Variants in IQGAP1 observed in about 807,000 individuals in gnomAD.
IQGAP1 encodes IQ motif containing GTPase activating protein 1.
Under a neutral mutation model 215.6 loss-of-function variants are expected in IQGAP1, and 66 were observed. The observed-to-expected ratio is 0.31, with a 90% confidence interval of 0.25 to 0.38. IQGAP1 has a LOEUF of 0.38. IQGAP1 is among the 10% of genes least tolerant of loss of function. The pLI is 1.00. For missense variants in IQGAP1, 1,712 were observed against 1,997.1 expected (o/e 0.86, Z 2.72); for synonymous variants, 772 against 728.7 (o/e 1.06, Z -0.96).
Position 90,406,455 on chromosome 15 carries a change from G to A in IQGAP1, c.155+15582G>A, listed in dbSNP as rs186109116. Among the ~76,000 whole-genome samples the A allele has an allele frequency of 1.1e-4, 16 of 152,366 alleles. No individual in the cohort carries two copies. In the East Asian group the frequency reaches 2.9e-3, roughly 27 times the overall value. On this transcript the variant is annotated intron_variant, in intron 2 of 37. Transcript: ENST00000268182. ...TGGGATTAGAGGCGTGAGCCACCGT[G>A]CCCGGCCGGGGTTTGTTTTTGGTTG...
intron 15 of IQGAP1, among the ~76,000 whole-genome samples, chr15:90,463,153 C>T (rs752723474): frequency 1.4e-4 from 22 of 152,286 alleles, no homozygotes; most frequent in Non-Finnish European, 2.5e-4. Flanking sequence ...AGACACCCAT[C>T]CATTCACTTT....
chr15:90,437,231 TAGG>T (rs1567125935), intron 5 of IQGAP1, among the ~76,000 whole-genome samples: 3 of 152,312 alleles, frequency 2.0e-5, no homozygotes, highest in East Asian at 1.9e-4. Flanking sequence ...CACTCACTGT[TAGG>T]AGAACAGCAC....
intron 18 of IQGAP1, among the ~76,000 whole-genome samples, chr15:90,471,934 C>T (rs2151031433): frequency 1.3e-5 from 2 of 152,222 alleles, no homozygotes; most frequent in South Asian, 4.1e-4. Flanking sequence ...CTGCTGCTGC[C>T]CTTGTTCAAG....
intron 23 of IQGAP1, chr15:90,475,871 A>G (rs766487425): frequency 4.6e-5 from 7 of 151,934 alleles, no homozygotes; most frequent in Admixed American, 6.6e-5. Context: ...GTCATTTTGT[A>G]TCTTACATTC....
intron 22 of IQGAP1, 77 bp downstream of exon 22, chr15:90,474,210 C>G: frequency 1.5e-6 from 2 of 1,295,418 alleles, no homozygotes; most frequent in South Asian, 2.8e-5. Flanking sequence ...CCACAGACCT[C>G]TTTTGTTATC....
chr15:90,465,868 T>C, intron 15 of IQGAP1, 133 bp from the exon 16 acceptor site: 1 of 706,558 alleles, frequency 1.4e-6, no homozygotes, highest in East Asian at 2.7e-5. Flanking sequence ...TCCATTTGAC[T>C]AACCCACGTG....
At chr15:90,393,092 T>C (rs1427585169) in intron 2 of IQGAP1, among the ~76,000 whole-genome samples, 1 of 124,492 alleles carries the variant, frequency 8.0e-6, no homozygotes, top group Non-Finnish European at 1.6e-5. Flanking sequence ...TGCATTAGAA[T>C]CACCTGGGGA....
intron 17 of IQGAP1, among the ~76,000 whole-genome samples, chr15:90,467,033 C>T (rs776359367): frequency 1.3e-4 from 19 of 151,812 alleles, no homozygotes; most frequent in African/African-American, 1.9e-4. Context: ...CAGAGGCTGC[C>T]GTGAGCCAAG....
chr15:90,487,637 G>A (rs1477970782), intron 33 of IQGAP1, 55 bp downstream of exon 33: 1 of 1,206,548 alleles, frequency 8.3e-7, no homozygotes, highest in Non-Finnish European at 1.2e-6. Context: ...TCTCCCGATA[G>A]GCGCATGTCA....
intron 36 of IQGAP1, among the ~76,000 whole-genome samples, chr15:90,495,587 A>G (rs11073929): frequency 0.16 from 24,227 of 150,838 alleles, 2,254 homozygotes; most frequent in African/African-American, 0.25. Flanking sequence ...CCACTTATGT[A>G]TTTAACTACT....
rs755220652 is a variant in IQGAP1 at position 90,466,448 on chromosome 15, GA to G, written c.2035+13del. 2.5e-5 allele frequency: 41 copies of G among 1,613,672 alleles called. No homozygotes were observed. In the African/African-American group the frequency reaches 5.2e-4, roughly 20 times the overall value. ...AAAACTGGCAGTAGGTGAGTTCTGG[GA>G]TAATACATATGTGCCCTGAAGCTAA... On this transcript the variant is annotated intron_variant, in intron 17 of 37. Coordinates refer to ENST00000268182, the MANE Select transcript of IQGAP1 (RefSeq NM_003870.4).
chr15:90,478,661 C>T (rs1381415252), intron 26 of IQGAP1, among the ~76,000 whole-genome samples: 1 of 152,090 alleles, frequency 6.6e-6, no homozygotes, highest in East Asian at 1.9e-4. Flanking sequence ...TAAGATGAAC[C>T]CAGCCTTACT....
chr15:90,419,055 A>G (rs1186046950), intron 2 of IQGAP1, among the ~76,000 whole-genome samples: 1 of 151,106 alleles, frequency 6.6e-6, no homozygotes, highest in Non-Finnish European at 1.5e-5. Flanking sequence ...GCTAGGTAGG[A>G]GGATCCAGAG....
At position 90,494,891 on chromosome 15, in the gene IQGAP1, C is replaced by T. The variant is rs1966251623; in HGVS notation, c.4751+56C>T. The T allele has an allele frequency of 3.7e-6, 5 of 1,346,968 alleles. No homozygotes were observed. In the South Asian group the frequency reaches 5.2e-5, roughly 14 times the overall value. 83.4% of individuals were successfully genotyped at this position (1,346,968 alleles called of 1,614,324 possible). On this transcript the variant is annotated intron_variant, in intron 36 of 37. Transcript: ENST00000268182. ...ATTTTTATTTCTACATTTATCACAT[C>T]TTTGCCTTTTTGTCTTCATTTCTCT...
chr15:90,486,240 T>G, intron 31 of IQGAP1, 108 bp downstream of exon 31: 1 of 653,362 alleles, frequency 1.5e-6, no homozygotes, highest in Non-Finnish European at 2.7e-6. Context: ...GGATATACAT[T>G]GAGAAATAAA....
At chr15:90,470,770 T>C (rs1965893987) in intron 18 of IQGAP1, among the ~76,000 whole-genome samples, 1 of 152,162 alleles carries the variant, frequency 6.6e-6, no homozygotes, top group Admixed American at 6.5e-5. Flanking sequence ...AACCTTTTAA[T>C]TGCCAAATTC....
Position 90,500,452 on chromosome 15 carries a change from A to G in IQGAP1, c.*344A>G, listed in dbSNP as rs1410331805. The G allele has an allele frequency of 5.3e-6, 1 of 188,410 alleles. No homozygotes were observed. Among genetic ancestry groups the G allele is most frequent in the Non-Finnish European group, 1.1e-5 (1 of 89,064 alleles). The allele number at this position is 188,410 out of a possible 1,614,324, so 11.7% of individuals were successfully genotyped here. A position where few individuals can be genotyped will look rare whatever the true frequency, so the allele number is the denominator to read the frequency against. On this transcript the variant is annotated 3_prime_UTR_variant, in exon 38 of 38. Transcript: ENST00000268182. ...AGCTTTGGTGTTTGTTTAATTAGCA[A>G]TAGGGATGGTAGGATTCAAATGTGT...
Position 90,388,372 on chromosome 15 carries a change from G to A in IQGAP1, c.31G>A (p.Gly11Ser). 1 of 1,592,018 alleles carries A rather than the reference G, an allele frequency of 6.3e-7. No homozygotes were observed. The highest frequency in any genetic ancestry group is 8.5e-7 in the Non-Finnish European group (1 of 1,171,064). Residue 11 changes from glycine (G) to serine (S), a missense_variant, in exon 1 of 38, where the codon GGC (glycine) becomes AGC (serine). Transcript: ENST00000268182. ...CGCCGCAGACGAGGTTGACGGGCTG[G>A]GCGTGGCCCGGCCGCACTATGGCTG... MSAADEVDGLGVARPHYGSVL... is the reference protein window; with the variant it reads MSAADEVDGLSVARPHYGSVL...
rs1323419763 is a variant in IQGAP1 at position 90,466,306 on chromosome 15, A to C, written c.1905A>C (p.Glu635Asp). The C allele has an allele frequency of 6.2e-7, 1 of 1,614,180 alleles. No individual in the cohort carries two copies. Among genetic ancestry groups the C allele is most frequent in the East Asian group, 2.2e-5 (1 of 44,886 alleles). Residue 635 changes from glutamate to aspartate, a missense_variant, in exon 17 of 38, where the codon GAA (glutamate) becomes GAC (aspartate). Coordinates refer to ENST00000268182, the MANE Select transcript of IQGAP1 (RefSeq NM_003870.4). ...LGIFAINEAV[E>D]SGDVGKTLSA... ...TCTTTGCCATTAATGAGGCAGTAGAAAGTGGTGATGTTGGCAAAACACTGA... is the reference window on the plus strand; with the variant it reads ...TCTTTGCCATTAATGAGGCAGTAGACAGTGGTGATGTTGGCAAAACACTGA...
Sources: gnomAD v4.1 joint callset for allele counts (sites outside exome capture counted in the v4.1 genomes callset) on GRCh38, gnomAD v4.1.1 for gene constraint, MANE v1.5 for transcripts, NCBI Gene and HGNC (gene_info 2026-07-23, HGNC 2026-07-21) for gene names.